The following PUDP variants were observed in gnomAD, a reference collection of about 807,000 sequenced individuals.
PUDP encodes the protein pseudouridine 5'-phosphatase.
Under a neutral mutation model 9.4 loss-of-function variants are expected in PUDP, and 8 were observed. The ratio of observed to expected loss-of-function variants is 0.85; its 90% confidence interval spans 0.50 to 1.53. The LOEUF is 1.53. PUDP is among the 40% of genes most tolerant of loss of function. The pLI, the probability that PUDP is intolerant of heterozygous loss-of-function variation, is 0.00. For missense variants in PUDP, 188 were observed against 189.7 expected (o/e 0.99, Z 0.05); for synonymous variants, 99 against 80.7 (o/e 1.23, Z -1.22).
At chrX:6,975,114 A>T (rs1456516795) in intron 3 of PUDP, among the ~76,000 whole-genome samples, 1 of 108,987 alleles carries the variant, frequency 9.2e-6, no homozygotes, top group East Asian at 2.9e-4. Context: ...AATTCCTTTA[A>T]CCTTTTTTCA....
intron 3 of PUDP, among the ~76,000 whole-genome samples, chrX:6,751,698 C>T (rs768747720): frequency 9.0e-6 from 1 of 111,376 alleles, no homozygotes; most frequent in African/African-American, 3.3e-5. Flanking sequence ...ATCGGCCACG[C>T]TTAGGTAAAT....
At chrX:6,995,312 C>T (rs892743176) in intron 1 of PUDP, among the ~76,000 whole-genome samples, 87 of 111,656 alleles carry the variant, frequency 7.8e-4, no homozygotes, top group African/African-American at 2.7e-3. Context: ...ATGACAAGTA[C>T]ATGCACCAAA....
intron 3 of PUDP, among the ~76,000 whole-genome samples, chrX:6,854,511 C>T (rs1569111428): frequency 9.0e-6 from 1 of 111,678 alleles, no homozygotes; most frequent in Admixed American, 9.5e-5. Context: ...ACCAACTCCC[C>T]GTTTAGTCAA....
intron 3 of PUDP, among the ~76,000 whole-genome samples, chrX:6,932,879 T>A (rs1339594631): frequency 2.7e-5 from 3 of 109,189 alleles, no homozygotes; most frequent in Admixed American, 9.8e-5. Context: ...GGCACAGCAG[T>A]CTGAGATCAA....
chrX:6,910,357 A>G (rs1453429148), intron 3 of PUDP, among the ~76,000 whole-genome samples: 1 of 112,027 alleles, frequency 8.9e-6, no homozygotes, highest in Non-Finnish European at 1.9e-5. Context: ...AACCTCCTTC[A>G]TGCAGTAGTG....
chrX:7,015,461 G>A (rs1359526095), intron 1 of PUDP, among the ~76,000 whole-genome samples: 1 of 111,812 alleles, frequency 8.9e-6, no homozygotes, highest in Non-Finnish European at 1.9e-5. Flanking sequence ...CCCCTCAAAG[G>A]CCCCTCTATT....
In PUDP at chrX:7,011,630, A is replaced by G. The variant is rs140034904; in HGVS notation, c.205-33287T>C. 5.8e-3 allele frequency among the ~76,000 whole-genome samples: 650 copies of G among 112,016 alleles called. 7 individuals carry two copies. Among genetic ancestry groups the G allele is most frequent in the African/African-American group, 0.021 (632 of 30,757 alleles). On this transcript the variant is annotated intron_variant and NMD_transcript_variant, in intron 1 of 3. Coordinates refer to the PUDP transcript ENST00000655425. ...ACTTTCTATCAGCATGAAGACATGA[A>G]AATGCCTGGGGAAGAAAAGGTGTGG...
intron 3 of PUDP, among the ~76,000 whole-genome samples, chrX:6,805,581 G>A (rs1465799139): frequency 2.7e-5 from 3 of 110,639 alleles, no homozygotes; most frequent in Admixed American, 9.6e-5. Context: ...CTGGAGTGGC[G>A]TGATCATGGC....
At chrX:6,826,488 A>G (rs1926424860) in intron 3 of PUDP, among the ~76,000 whole-genome samples, 1 of 111,909 alleles carries the variant, frequency 8.9e-6, no homozygotes, top group Non-Finnish European at 1.9e-5. Context: ...CTCTTATTTA[A>G]TAGTAGCTGA....
intron 3 of PUDP, among the ~76,000 whole-genome samples, chrX:6,816,672 C>T (rs1297906119): frequency 1.0e-5 from 1 of 98,666 alleles, no homozygotes; most frequent in Non-Finnish European, 2.0e-5. Context: ...TTTATATACA[C>T]TATATATACC....
chrX:6,815,397 G>A (rs1180338362), intron 3 of PUDP, among the ~76,000 whole-genome samples: 3 of 111,930 alleles, frequency 2.7e-5, no homozygotes, highest in Non-Finnish European at 5.6e-5. Flanking sequence ...AACTACATCC[G>A]TTATAGTCAT....
chrX:6,921,188 G>C, intron 3 of PUDP, among the ~76,000 whole-genome samples: 1 of 110,120 alleles, frequency 9.1e-6, no homozygotes, highest in Non-Finnish European at 1.9e-5. Context: ...GTTCAGGACC[G>C]GCCTGGACAA....
intron 3 of PUDP, among the ~76,000 whole-genome samples, chrX:6,759,941 A>C (rs1445074598): frequency 8.9e-6 from 1 of 111,775 alleles, no homozygotes; most frequent in African/African-American, 3.2e-5. Flanking sequence ...CTAGCTGTCA[A>C]TTCAGAGGGA....
intron 3 of PUDP, among the ~76,000 whole-genome samples, chrX:6,825,314 C>T (rs1926407401): frequency 9.0e-6 from 1 of 111,544 alleles, no homozygotes. Flanking sequence ...TGCAGCAAAA[C>T]AGCTTCCAAA....
At chrX:6,858,120 A>G (rs1926935313) in intron 3 of PUDP, among the ~76,000 whole-genome samples, 1 of 110,567 alleles carries the variant, frequency 9.0e-6, no homozygotes, top group Non-Finnish European at 1.9e-5. Flanking sequence ...GAACATGGCT[A>G]ATACTTAATT....
intron 3 of PUDP, among the ~76,000 whole-genome samples, chrX:6,904,758 C>T (rs1292325930): frequency 1.8e-5 from 2 of 112,103 alleles, no homozygotes; most frequent in East Asian, 5.6e-4. Flanking sequence ...CTGGGGCTCC[C>T]CATTGGCCAA....
At chrX:7,085,901 C>G (rs1320755622) in intron 2 of PUDP, among the ~76,000 whole-genome samples, 1 of 111,626 alleles carries the variant, frequency 9.0e-6, no homozygotes, top group Non-Finnish European at 1.9e-5. Flanking sequence ...CTCTAGCCCC[C>G]TTAAAGTACT....
intron 3 of PUDP, among the ~76,000 whole-genome samples, chrX:6,974,488 A>T (rs1319250858): frequency 8.9e-6 from 1 of 112,219 alleles, no homozygotes; most frequent in East Asian, 2.8e-4. Context: ...TTGACTGGAT[A>T]TGAAATTCTG....
At chrX:6,894,893 A>C (rs143486573) in intron 3 of PUDP, among the ~76,000 whole-genome samples, 5,491 of 111,524 alleles carry the variant, frequency 0.049, 143 homozygotes, top group East Asian at 0.15. Flanking sequence ...TACAAAATTA[A>C]ATGATGCTTT....
Sources: allele counts gnomAD v4.1 joint callset (sites outside exome capture counted in the v4.1 genomes callset), GRCh38; gene constraint gnomAD v4.1.1; transcripts MANE v1.5; gene names NCBI Gene and HGNC (gene_info 2026-07-23, HGNC 2026-07-21).